The following RALGAPA1 variants were observed in gnomAD, a reference collection of about 807,000 sequenced individuals.
The protein encoded by RALGAPA1 is ral GTPase-activating protein subunit alpha-1.
In RALGAPA1, 52 loss-of-function variants were observed where a neutral mutation model predicts 269.6. The observed-to-expected ratio is 0.19, with a 90% CI of 0.15 to 0.24. RALGAPA1 has a LOEUF of 0.24. RALGAPA1 is among the 10% of genes least tolerant of loss of function. The pLI is 1.00. For missense variants in RALGAPA1, 1,917 were observed against 3,013.9 expected, an observed-to-expected ratio of 0.64 and a Z score of 8.52; for synonymous variants, 817 against 1,008.3, an observed-to-expected ratio of 0.81 and a Z score of 3.60.
chr14:35,616,118 C>T (rs996112820), intron 35 of RALGAPA1, among the ~76,000 whole-genome samples: 2 of 151,808 alleles, frequency 1.3e-5, no homozygotes, highest in African/African-American at 4.8e-5. Flanking sequence ...ATTATGAAAA[C>T]CTAAAGGCAA....
At chr14:35,692,293 T>C (rs1595165430) in intron 17 of RALGAPA1, among the ~76,000 whole-genome samples, 1 of 152,038 alleles carries the variant, frequency 6.6e-6, no homozygotes, top group East Asian at 1.9e-4. Flanking sequence ...AAAAACATTA[T>C]GACACTAGCA....
At chr14:35,659,005 C>T in intron 28 of RALGAPA1, 133 bp downstream of exon 28, 1 of 469,452 alleles carries the variant, frequency 2.1e-6, no homozygotes, top group Non-Finnish European at 3.6e-6. Context: ...CTTAATTATT[C>T]AAGTAACTTA....
chr14:35,701,062 C>T (rs1406425950), intron 16 of RALGAPA1, among the ~76,000 whole-genome samples: 2 of 152,094 alleles, frequency 1.3e-5, no homozygotes, highest in Non-Finnish European at 2.9e-5. Context: ...AAGCTTTAAA[C>T]TGGATTACTT....
chr14:35,791,635 G>A (rs369127124), intron 1 of RALGAPA1, among the ~76,000 whole-genome samples: 1 of 151,424 alleles, frequency 6.6e-6, no homozygotes, highest in Non-Finnish European at 1.5e-5. Flanking sequence ...GGCTGGGCAC[G>A]GTGGCTCACA....
intron 41 of RALGAPA1, among the ~76,000 whole-genome samples, chr14:35,546,434 T>C (rs2054465189): frequency 2.6e-5 from 4 of 151,656 alleles, no homozygotes; most frequent in Admixed American, 6.6e-5. Flanking sequence ...ATTGTGCACA[T>C]GTACCCTAAA....
chr14:35,697,561 T>C (rs2067001844), intron 17 of RALGAPA1, among the ~76,000 whole-genome samples: 2 of 152,058 alleles, frequency 1.3e-5, no homozygotes, highest in South Asian at 4.1e-4. Context: ...TTAGCCAGGA[T>C]GGTCTCAAAC....
In RALGAPA1 at chr14:35,808,770, C is replaced by T. The variant is rs751357424; in HGVS notation, c.66G>A (p.Lys22=). The change falls in exon 1 of 42, where the codon AAG becomes AAA. Residue 22 remains lysine, a synonymous_variant. Coordinates refer to ENST00000680220, the MANE Select transcript of RALGAPA1 (RefSeq NM_001346249.2). ...KSTQKVLDTK[K]DALTRLKHLR... ...GGTGCTTGAGGCGAGTCAGTGCGTC[C>T]TTCTTGGTGTCTAGCACCTTCTGGG... 6 of 1,613,358 alleles carry T rather than the reference C, an allele frequency of 3.7e-6. No individual in the cohort carries two copies. In the Admixed American group the frequency reaches 1.0e-4, roughly 27 times the overall value.
At chr14:35,624,174 A>C (rs1473776153) in intron 35 of RALGAPA1, among the ~76,000 whole-genome samples, 6 of 147,522 alleles carry the variant, frequency 4.1e-5, no homozygotes, top group Non-Finnish European at 8.9e-5. Flanking sequence ...AAAAAAAAAA[A>C]CAACTTGGTA....
chr14:35,599,855 T>A (rs1274829989), intron 36 of RALGAPA1, among the ~76,000 whole-genome samples: 2 of 152,258 alleles, frequency 1.3e-5, no homozygotes, highest in Non-Finnish European at 2.9e-5. Context: ...AAATTTGCTA[T>A]CTCTTTAATA....
intron 1 of RALGAPA1, among the ~76,000 whole-genome samples, chr14:35,796,627 C>T (rs1467578733): frequency 6.6e-6 from 1 of 151,858 alleles, no homozygotes; most frequent in African/African-American, 2.4e-5. Context: ...CTTAAAAGCA[C>T]CCAGAAAAGA....
At chr14:35,656,571 T>TA (rs2063188913) in intron 28 of RALGAPA1, among the ~76,000 whole-genome samples, 1 of 152,188 alleles carries the variant, frequency 6.6e-6, no homozygotes, top group South Asian at 2.1e-4. Flanking sequence ...AAGCTTCTGA[T>TA]AAAATGTATA....
intron 12 of RALGAPA1, among the ~76,000 whole-genome samples, chr14:35,734,676 G>T (rs2070812544): frequency 6.6e-6 from 1 of 151,540 alleles, no homozygotes; most frequent in African/African-American, 2.4e-5. Flanking sequence ...CCCAAAAGCA[G>T]TATAAAAACA....
intron 37 of RALGAPA1, among the ~76,000 whole-genome samples, chr14:35,585,061 A>G (rs905249747): frequency 9.9e-5 from 15 of 152,202 alleles, no homozygotes; most frequent in African/African-American, 3.6e-4. Context: ...CTTCAGAGCA[A>G]GAAAGTTATC....
At chr14:35,593,239 C>A (rs1438743587) in intron 37 of RALGAPA1, among the ~76,000 whole-genome samples, 2 of 151,920 alleles carry the variant, frequency 1.3e-5, no homozygotes, top group Admixed American at 6.6e-5. Flanking sequence ...AGAAAACAAT[C>A]CTATTTATGA....
At chr14:35,681,814 T>C (rs1595119802) in intron 21 of RALGAPA1, among the ~76,000 whole-genome samples, 1 of 152,336 alleles carries the variant, frequency 6.6e-6, no homozygotes, top group African/African-American at 2.4e-5. Context: ...AACTGACACC[T>C]ATCCTTCCCA....
intron 39 of RALGAPA1, among the ~76,000 whole-genome samples, chr14:35,563,093 C>T (rs1161543154): frequency 1.5e-5 from 2 of 131,028 alleles, no homozygotes; most frequent in East Asian, 5.9e-4. Flanking sequence ...ATAATAAATA[C>T]ATCCACCTTG....
chr14:35,795,055 T>C (rs1178446392), intron 1 of RALGAPA1, among the ~76,000 whole-genome samples: 2 of 152,210 alleles, frequency 1.3e-5, no homozygotes, highest in African/African-American at 4.8e-5. Flanking sequence ...TGATGTCCAA[T>C]GTCTTGAAAA....
intron 1 of RALGAPA1, among the ~76,000 whole-genome samples, chr14:35,805,599 T>C (rs2077308193): frequency 6.6e-6 from 1 of 151,560 alleles, no homozygotes; most frequent in Non-Finnish European, 1.5e-5. Flanking sequence ...AGGGTACAAC[T>C]GAGGTGGGAG....
chr14:35,548,515 T>G lies in RALGAPA1; in HGVS notation c.*16A>C, dbSNP rs1320330559. 6.4e-7 allele frequency: 1 copy of G among 1,568,376 alleles called. No individual in the cohort carries two copies. Among genetic ancestry groups the G allele is most frequent in the Non-Finnish European group, 8.7e-7 (1 of 1,155,496 alleles). On this transcript the variant is annotated 3_prime_UTR_variant, in exon 41 of 42. Transcript: ENST00000680220. Reference sequence around the variant, plus strand: ...GTTGACACTTTGTCTTACCTTCAGATAAACAGAACTGATATTTAATGATCT... The same window carrying G: ...GTTGACACTTTGTCTTACCTTCAGAGAAACAGAACTGATATTTAATGATCT...
Sources: gnomAD v4.1 joint callset for allele counts (sites outside exome capture counted in the v4.1 genomes callset) on GRCh38, gnomAD v4.1.1 for gene constraint, MANE v1.5 for transcripts, NCBI Gene and HGNC (gene_info 2026-07-23, HGNC 2026-07-21) for gene names.